SCFD2: variants seen among roughly 807,000 people sequenced by gnomAD.
SCFD2 encodes sec1 family domain containing 2, also known as sec1 family domain-containing protein 2.
In SCFD2, 54 loss-of-function variants were observed where a neutral mutation model predicts 58.9. That is an observed-to-expected ratio of 0.92 (90% CI 0.74 to 1.15). The LOEUF (loss-of-function observed/expected upper bound fraction) is 1.15, where lower values mean the gene tolerates loss of function less well. SCFD2 is among the 50% of genes most tolerant of loss of function. SCFD2 has a pLI of 0.00. For synonymous variants in SCFD2, 321 were observed against 335.9 expected, an observed-to-expected ratio of 0.96 and a Z score of 0.49; for missense variants, 805 against 836.6, an observed-to-expected ratio of 0.96 and a Z score of 0.47.
chr4:53,164,945 A>G (rs1474817123), intron 4 of SCFD2, among the ~76,000 whole-genome samples: 1 of 152,202 alleles, frequency 6.6e-6, no homozygotes, highest in Non-Finnish European at 1.5e-5. Context: ...GATTCTAAGT[A>G]GCAACAATGC....
chr4:53,314,085 T>C (rs1732784933), intron 2 of SCFD2, among the ~76,000 whole-genome samples: 1 of 152,214 alleles, frequency 6.6e-6, no homozygotes, highest in South Asian at 2.1e-4. Context: ...TCAACATCAC[T>C]AGAGTAATAT....
Position 53,214,861 on chromosome 4 carries a change from C to T in SCFD2, c.1311+58965G>A, listed in dbSNP as rs1381724779. ...GTAAGGAAGGGATCCAGTTTCAGCT[C>T]TCTACATATGGCTAGCCAGTTTTCC... On this transcript the variant is annotated intron_variant, in intron 4 of 8. Coordinates refer to ENST00000401642, the MANE Select transcript of SCFD2 (RefSeq NM_152540.4). 1.6e-4 allele frequency among the ~76,000 whole-genome samples: 24 copies of T among 152,136 alleles called. 1 individual carries two copies. In the South Asian group the frequency reaches 3.9e-3, roughly 25 times the overall value.
At chr4:53,325,746 T>C (rs1161192438) in intron 2 of SCFD2, among the ~76,000 whole-genome samples, 1 of 152,204 alleles carries the variant, frequency 6.6e-6, no homozygotes, top group Non-Finnish European at 1.5e-5. Flanking sequence ...TATAACCAAA[T>C]TTTCAGATAA....
At chr4:53,258,565 T>TATATATATATATATATAC (rs1730728649) in intron 4 of SCFD2, among the ~76,000 whole-genome samples, 1 of 78,046 alleles carries the variant, frequency 1.3e-5, no homozygotes, top group Admixed American at 1.5e-4. Context: ...TATATATATA[T>TATATATATATATATATAC]ATATATATAT....
chr4:53,072,584 A>G (rs1469061774), intron 5 of SCFD2, among the ~76,000 whole-genome samples: 7 of 151,966 alleles, frequency 4.6e-5, no homozygotes, highest in Middle Eastern at 6.8e-3. Flanking sequence ...TAGGGGGGGG[A>G]AAGCCAGGTT....
intron 5 of SCFD2, among the ~76,000 whole-genome samples, chr4:53,125,474 A>C (rs758434313): frequency 6.6e-6 from 1 of 152,188 alleles, no homozygotes; most frequent in South Asian, 2.1e-4. Context: ...CGTTTATCAC[A>C]GTCAACAAAA....
intron 7 of SCFD2, among the ~76,000 whole-genome samples, chr4:52,895,051 C>T (rs1033099165): frequency 6.6e-6 from 1 of 152,150 alleles, no homozygotes; most frequent in Non-Finnish European, 1.5e-5. Context: ...GGAGGGAAAA[C>T]TCCTAGGATT....
At chr4:53,185,766 C>T (rs758274792) in intron 4 of SCFD2, among the ~76,000 whole-genome samples, 1 of 151,998 alleles carries the variant, frequency 6.6e-6, no homozygotes, top group Non-Finnish European at 1.5e-5. Context: ...AAACCTCTTT[C>T]TAAGGTTAAT....
intron 3 of SCFD2, among the ~76,000 whole-genome samples, chr4:53,298,549 A>G: frequency 6.6e-6 from 1 of 152,214 alleles, no homozygotes. Flanking sequence ...AGACAGCAAT[A>G]ACCTCTGCAG....
intron 3 of SCFD2, among the ~76,000 whole-genome samples, chr4:53,289,785 G>A (rs1731782197): frequency 1.3e-5 from 2 of 152,108 alleles, no homozygotes; most frequent in South Asian, 2.1e-4. Flanking sequence ...AGAGAAGGAA[G>A]AAGATAATTC....
chr4:53,067,003 C>T (rs1723681533), intron 5 of SCFD2, among the ~76,000 whole-genome samples: 1 of 152,006 alleles, frequency 6.6e-6, no homozygotes, highest in African/African-American at 2.4e-5. Context: ...TGCACTTATG[C>T]TTGTTTATGG....
chr4:53,255,256 G>C (rs560956558), intron 4 of SCFD2, among the ~76,000 whole-genome samples: 1 of 133,432 alleles, frequency 7.5e-6, no homozygotes, highest in Non-Finnish European at 1.6e-5. Flanking sequence ...GGTGTTTCTC[G>C]CAGAGGGGGA....
intron 2 of SCFD2, among the ~76,000 whole-genome samples, chr4:53,321,379 T>C (rs1460854791): frequency 6.6e-6 from 1 of 152,026 alleles, no homozygotes; most frequent in Admixed American, 6.6e-5. Context: ...AAAAGGTGGC[T>C]GAATGTTGAA....
At chr4:53,298,825 A>G (rs1281637110) in intron 3 of SCFD2, among the ~76,000 whole-genome samples, 1 of 152,188 alleles carries the variant, frequency 6.6e-6, no homozygotes, top group Non-Finnish European at 1.5e-5. Context: ...GCTGATACCC[A>G]GGCAAAAAGG....
intron 8 of SCFD2, among the ~76,000 whole-genome samples, chr4:52,884,813 C>T (rs1412296833): frequency 6.6e-6 from 1 of 152,166 alleles, no homozygotes; most frequent in African/African-American, 2.4e-5. Context: ...AGCCTCAAAC[C>T]CTCCAGCACA....
At chr4:53,180,687 C>T (rs1331158079) in intron 4 of SCFD2, among the ~76,000 whole-genome samples, 1 of 152,072 alleles carries the variant, frequency 6.6e-6, no homozygotes, top group Non-Finnish European at 1.5e-5. Flanking sequence ...CACAAAAAAC[C>T]CTTCAAAAAA....
intron 5 of SCFD2, among the ~76,000 whole-genome samples, chr4:53,076,110 C>A (rs952596322): frequency 6.6e-6 from 1 of 152,118 alleles, no homozygotes; most frequent in Non-Finnish European, 1.5e-5. Context: ...TTAATGAAAT[C>A]TGAGCCTAGA....
chr4:53,096,855 A>G (rs1029320081), intron 5 of SCFD2, among the ~76,000 whole-genome samples: 11 of 152,290 alleles, frequency 7.2e-5, no homozygotes, highest in African/African-American at 2.4e-4. Flanking sequence ...TAGGTCTAAC[A>G]TGTAAGTCTT....
chr4:53,332,776 G>A lies in SCFD2; in HGVS notation c.1008-19013C>T, dbSNP rs951053400. Among the ~76,000 whole-genome samples the A allele has an allele frequency of 5.9e-5, 9 of 151,600 alleles. No individual in the cohort carries two copies. The East Asian group carries it at 1.4e-3, about 23-fold the overall frequency. On this transcript the variant is annotated intron_variant, in intron 2 of 8. Coordinates refer to ENST00000401642, the MANE Select transcript of SCFD2 (RefSeq NM_152540.4). ...AATTAGGCAGGAGAAGGAAATAAAC[G>A]GTATTCAATTAGGAAAAGAGGAAGT...
Sources: allele counts gnomAD v4.1 joint callset (sites outside exome capture counted in the v4.1 genomes callset), GRCh38; gene constraint gnomAD v4.1.1; transcripts MANE v1.5; gene names NCBI Gene and HGNC (gene_info 2026-07-23, HGNC 2026-07-21).